The following CRLS1 variants were observed in gnomAD, a reference collection of about 807,000 sequenced individuals.
CRLS1 encodes cardiolipin synthase 1, also known as cardiolipin synthase (CMP-forming).
CRLS1 carries 24 observed loss-of-function variants against 37.0 expected under a neutral mutation model. The ratio of observed to expected loss-of-function variants is 0.65; its 90% CI spans 0.47 to 0.91. The LOEUF (loss-of-function observed/expected upper bound fraction) is 0.91, where lower values mean the gene tolerates loss of function less well. Ranked by LOEUF, CRLS1 falls within the 40% of genes least tolerant of loss-of-function variation. The probability of loss-of-function intolerance (pLI) is 0.00; values close to 1 mark genes in which losing one functional copy is unlikely to be tolerated. For missense variants in CRLS1, 373 were observed against 395.8 expected, an observed-to-expected ratio of 0.94 and a Z score of 0.49; for synonymous variants, 135 against 159.7, an observed-to-expected ratio of 0.85 and a Z score of 1.17.
intron 3 of CRLS1, among the ~76,000 whole-genome samples, chr20:6,023,222 C>G (rs1568624768): frequency 6.6e-6 from 1 of 152,124 alleles, no homozygotes; most frequent in Non-Finnish European, 1.5e-5. Context: ...TAGTCTCTTT[C>G]ATTTGTTCAC....
intron 3 of CRLS1, among the ~76,000 whole-genome samples, chr20:6,018,301 T>G (rs183568532): frequency 6.6e-6 from 1 of 152,140 alleles, no homozygotes; most frequent in Admixed American, 6.5e-5. Context: ...TTGATTGTTA[T>G]GTCTAGCGAA....
rs1227186674 is a variant in CRLS1, at chr20:6,039,029, C to G, written c.*1871C>G. On this transcript the variant is annotated 3_prime_UTR_variant, in exon 7 of 7. Transcript: ENST00000378863. ...TATGTACTTGTTTATAGACTCAAAACATGATGAAAATTCATTTCATTGTCT... is the reference window on the plus strand; with the variant it reads ...TATGTACTTGTTTATAGACTCAAAAGATGATGAAAATTCATTTCATTGTCT... 6.6e-6 allele frequency: 1 copy of G among 152,210 alleles called. No homozygotes were observed. Among genetic ancestry groups the G allele is most frequent in the Non-Finnish European group, 1.5e-5 (1 of 68,042 alleles). The allele number at this position is 152,210 out of a possible 1,614,324, so 9.4% of individuals were successfully genotyped here.
intron 6 of CRLS1, among the ~76,000 whole-genome samples, chr20:6,035,439 T>C (rs893607541): frequency 5.9e-5 from 9 of 152,158 alleles, no homozygotes; most frequent in African/African-American, 2.2e-4. Flanking sequence ...CAAAGCAGTC[T>C]AAGAACTGTT....
chr20:6,006,454 T>G lies in CRLS1; in HGVS notation c.208T>G (p.Ser70Ala). ...CGGGATCGGCCAGCGGAACCACTGT[T>G]CGGGCGCGGGGAAGGCGGCTCCCAG... ...LPGIGQRNHC[S>A]GAGKAAPRPA... Residue 70 changes from serine (S) to alanine (A), a missense_variant, in exon 1 of 7, where the codon TCG (serine) becomes GCG (alanine). Ser to Ala is a moderately conservative substitution (Grantham distance 99, BLOSUM62 1). Transcript: ENST00000378863. 2.1e-6 allele frequency: 3 copies of G among 1,405,666 alleles called. No homozygotes were observed. The highest frequency in any genetic ancestry group is 2.8e-6 in the Non-Finnish European group (3 of 1,081,508). 87.1% of individuals were successfully genotyped at this position (1,405,666 alleles called of 1,614,324 possible).
intron 3 of CRLS1, among the ~76,000 whole-genome samples, chr20:6,017,960 G>A (rs1247352243): frequency 6.6e-6 from 1 of 152,094 alleles, no homozygotes; most frequent in African/African-American, 2.4e-5. Context: ...GCTTGCCCCT[G>A]TAATCGCAGC....
intron 3 of CRLS1, among the ~76,000 whole-genome samples, chr20:6,024,838 C>T (rs943303521): frequency 1.3e-5 from 2 of 152,184 alleles, no homozygotes; most frequent in African/African-American, 2.4e-5. Flanking sequence ...TAGAAGATCA[C>T]GTCAGCCAAA....
chr20:6,016,033 T>G (rs935897771), intron 3 of CRLS1: 3 of 156,656 alleles, frequency 1.9e-5, no homozygotes, highest in African/African-American at 7.2e-5. Flanking sequence ...CTTTTCTGAT[T>G]GTTCATTTTC....
intron 5 of CRLS1, 79 bp downstream of exon 5, chr20:6,032,159 G>A: frequency 8.7e-7 from 1 of 1,146,002 alleles, no homozygotes; most frequent in Non-Finnish European, 1.3e-6. Flanking sequence ...GTCAAGAACA[G>A]CTGAAAATGA....
rs1180749322 is a variant in CRLS1, at chr20:6,006,458, G to A, written c.212G>A (p.Gly71Asp). The A allele has an allele frequency of 5.0e-6, 7 of 1,404,430 alleles. No homozygotes were observed. Among genetic ancestry groups the A allele is most frequent in the Admixed American group, 2.8e-5 (1 of 35,212 alleles). 87.0% of individuals were successfully genotyped at this position (1,404,430 alleles called of 1,614,324 possible). Residue 71 changes from glycine to aspartate, a missense_variant, in exon 1 of 7, where the codon GGC becomes GAC. Physicochemically the swap from Gly to Asp is moderately conservative, Grantham distance 94 (BLOSUM62 -1). Coordinates refer to ENST00000378863, the MANE Select transcript of CRLS1 (RefSeq NM_019095.6). ...PGIGQRNHCS[G>D]AGKAAPRPAA... ...ATCGGCCAGCGGAACCACTGTTCGG[G>A]CGCGGGGAAGGCGGCTCCCAGGCCA...
rs771022882 is a variant in CRLS1, at chr20:6,032,012, C to T, written c.661C>T (p.Arg221Ter). Residue 221 changes from arginine (R) to a stop codon, truncating the protein, a stop_gained and splice_region_variant, in exon 5 of 7, where the codon CGA becomes TGA. Transcript: ENST00000378863. LOFTEE classifies it high-confidence loss of function. ...TTTATCTTTTTTGGTCCTCTGCCAGCGAACACTTGCCAAGTATTTCAATCC... is the reference window on the plus strand; with the variant it reads ...TTTATCTTTTTTGGTCCTCTGCCAGTGAACACTTGCCAAGTATTTCAATCC... ...YVRYRTLPTPRTLAKYFNPCY... is the reference protein window; with the variant it reads ...YVRYRTLPTP The T allele has an allele frequency of 8.7e-6, 14 of 1,610,372 alleles. No individual in the cohort carries two copies. In the East Asian group the frequency reaches 8.9e-5, roughly 10 times the overall value.
intron 6 of CRLS1, 92 bp downstream of exon 6, chr20:6,034,647 G>GTTCTTAC: frequency 1.1e-6 from 1 of 906,238 alleles, no homozygotes; most frequent in Non-Finnish European, 1.7e-6. Flanking sequence ...AGCATTTGTT[G>GTTCTTAC]AGCACTGACT....
chr20:6,029,428 G>A (rs912758135), intron 3 of CRLS1, among the ~76,000 whole-genome samples: 1 of 147,242 alleles, frequency 6.8e-6, no homozygotes, highest in African/African-American at 2.5e-5. Context: ...GCAATGGCAC[G>A]ATCTTGGCTT....
intron 6 of CRLS1, among the ~76,000 whole-genome samples, chr20:6,035,949 C>T (rs1293428110): frequency 1.3e-5 from 2 of 151,944 alleles, no homozygotes; most frequent in Non-Finnish European, 2.9e-5. Context: ...GGATTACAGG[C>T]GCCCACCACC....
chr20:6,015,590 TA>T, intron 3 of CRLS1, 100 bp downstream of exon 3: 1 of 1,225,602 alleles, frequency 8.2e-7, no homozygotes, highest in Non-Finnish European at 1.2e-6. Context: ...GTTCCAAAAA[TA>T]TAGTTTTCAA....
chr20:6,019,528 T>C (rs1979049617), intron 3 of CRLS1, among the ~76,000 whole-genome samples: 2 of 148,476 alleles, frequency 1.3e-5, no homozygotes, highest in Admixed American at 6.7e-5. Flanking sequence ...TTTTTTTTTT[T>C]TTCATCTTTT....
At chr20:6,021,651 C>G (rs1201527119) in intron 3 of CRLS1, among the ~76,000 whole-genome samples, 1 of 151,702 alleles carries the variant, frequency 6.6e-6, no homozygotes, top group Admixed American at 6.6e-5. Flanking sequence ...TAAATAAAAC[C>G]CATTTTGTCT....
rs796463285 is a variant in CRLS1, at chr20:6,006,150, C to T, written c.-97C>T. 76 of 594,040 alleles carry T rather than the reference C, an allele frequency of 1.3e-4. 1 individual carries two copies. The African/African-American group carries it at 1.4e-3, about 11-fold the overall frequency. 36.8% of individuals were successfully genotyped at this position (594,040 alleles called of 1,614,324 possible). ...TATGGAGGCAGCGGTAGCCCAGTGTCTGAGTGGTTGCCGGGTCTCCATGGA... is the reference window on the plus strand; with the variant it reads ...TATGGAGGCAGCGGTAGCCCAGTGTTTGAGTGGTTGCCGGGTCTCCATGGA... On this transcript the variant is annotated 5_prime_UTR_variant, in exon 1 of 7. Transcript: ENST00000378863.
intron 3 of CRLS1, among the ~76,000 whole-genome samples, chr20:6,027,177 G>A (rs546174849): frequency 4.7e-5 from 7 of 149,808 alleles, no homozygotes; most frequent in Admixed American, 1.3e-4. Context: ...CCCGCCTCCC[G>A]GGTTCAAGTG....
intron 3 of CRLS1, among the ~76,000 whole-genome samples, chr20:6,027,634 C>T (rs563874835): frequency 4.6e-5 from 7 of 152,038 alleles, no homozygotes; most frequent in African/African-American, 1.7e-4. Flanking sequence ...AGGCTGGTCT[C>T]GAACTCTTGG....
Sources: allele counts gnomAD v4.1 joint callset (sites outside exome capture counted in the v4.1 genomes callset), GRCh38; gene constraint gnomAD v4.1.1; transcripts MANE v1.5; gene names NCBI Gene and HGNC (gene_info 2026-07-23, HGNC 2026-07-21).